The following LRIG2 variants were observed in gnomAD, a reference collection of about 807,000 sequenced individuals.
LRIG2 encodes the protein leucine-rich repeats and immunoglobulin-like domains protein 2.
In LRIG2, 93 loss-of-function variants were observed where a neutral mutation model predicts 107.8. The ratio of observed to expected loss-of-function variants is 0.86; its 90% CI spans 0.73 to 1.03. The LOEUF (loss-of-function observed/expected upper bound fraction) is 1.03, where lower values mean the gene tolerates loss of function less well. Ranked by LOEUF, LRIG2 falls within the 50% of genes least tolerant of loss-of-function variation. The pLI is 0.00. For missense variants in LRIG2, 1,226 were observed against 1,296.0 expected, an observed-to-expected ratio of 0.95 and a Z score of 0.83; for synonymous variants, 471 against 470.6, an observed-to-expected ratio of 1.00 and a Z score of -0.01.
In LRIG2 at chr1:113,100,279, A is replaced by T. The variant is rs1654250369; in HGVS notation, c.1241A>T (p.His414Leu). The T allele has an allele frequency of 6.3e-7, 1 of 1,585,250 alleles. No homozygotes were observed. The highest frequency in any genetic ancestry group is 8.6e-7 in the Non-Finnish European group (1 of 1,159,588). ...KAFIGLESLE[H>L]LDLNNNAIMS... is the part of the protein sequence containing the mutation. ...TTCATTGGTCTTGAATCCCTTGAGC[A>T]TCTGTAAGTATTTTGCATACATTTT... Residue 414 changes from histidine to leucine, a missense_variant, in exon 10 of 18, where the codon CAT becomes CTT. Physicochemically the swap from His to Leu is moderately conservative, Grantham distance 99. Around this residue, in one of 3 missense-constraint regions of LRIG2, gnomAD observed 570 missense variants for 550.2 expected, o/e 1.04. Transcript: ENST00000361127.
chr1:113,095,865 A>T lies in LRIG2; in HGVS notation c.804-9A>T, dbSNP rs1416730128. The T allele has an allele frequency of 2.5e-6, 4 of 1,613,986 alleles. No homozygotes were observed. Among genetic ancestry groups the T allele is most frequent in the Non-Finnish European group, 3.4e-6 (4 of 1,179,962 alleles). ...GAACGTATTTTCTTCTCTTTCTCTA[A>T]TTCTGCAGAGAACTGGAACACAACA... On this transcript the variant is annotated splice_polypyrimidine_tract_variant and intron_variant, in intron 6 of 17. Transcript: ENST00000361127.
intron 1 of LRIG2, among the ~76,000 whole-genome samples, chr1:113,082,462 A>C (rs1173722055): frequency 6.6e-6 from 1 of 152,204 alleles, no homozygotes; most frequent in Non-Finnish European, 1.5e-5. Flanking sequence ...ACTGGCTCAC[A>C]GTTCTGTAGG....
In LRIG2 at chr1:113,073,458, T is replaced by C. The variant is rs372802844; in HGVS notation, c.52T>C (p.Ser18Pro). ...GGAGGAGCAGTTGCTGGGGTGTCGA[T>C]CTAGAGTGCTTTCTCGGTTACTCTT... ...VPEEQLLGCR[S>P]RVLSRLLFIA... Residue 18 changes from serine (S) to proline (P), a missense_variant, in exon 1 of 18, where the codon TCT (serine) becomes CCT (proline). Around this residue, in one of 3 missense-constraint regions of LRIG2, gnomAD observed 570 missense variants for 550.2 expected, o/e 1.04. Transcript: ENST00000361127. 1.5e-5 allele frequency: 24 copies of C among 1,613,944 alleles called. No individual in the cohort carries two copies. The highest frequency in any genetic ancestry group is 2.0e-5 in the Non-Finnish European group (24 of 1,180,010).
chr1:113,082,554 C>T (rs983350135), intron 1 of LRIG2, among the ~76,000 whole-genome samples: 7 of 152,142 alleles, frequency 4.6e-5, no homozygotes, highest in Admixed American at 6.6e-5. Context: ...AAAGGCAAAG[C>T]GGGAGCAGGC....
intron 17 of LRIG2, among the ~76,000 whole-genome samples, chr1:113,119,755 A>G (rs1655168656): frequency 6.6e-6 from 1 of 152,184 alleles, no homozygotes; most frequent in African/African-American, 2.4e-5. Context: ...ACAGGATCAC[A>G]CTACTGAAAA....
intron 17 of LRIG2, among the ~76,000 whole-genome samples, chr1:113,120,627 C>G (rs1655209160): frequency 6.6e-6 from 1 of 151,522 alleles, no homozygotes; most frequent in South Asian, 2.1e-4. Flanking sequence ...TCTCCTGCCT[C>G]AGCCTCCTGA....
chr1:113,083,087 A>T (rs1231060736), intron 1 of LRIG2, among the ~76,000 whole-genome samples: 1 of 151,036 alleles, frequency 6.6e-6, no homozygotes, highest in Non-Finnish European at 1.5e-5. Context: ...TTTTGTGTAG[A>T]TTTTATAGAG....
intron 12 of LRIG2, among the ~76,000 whole-genome samples, chr1:113,108,941 T>C (rs969568607): frequency 1.3e-5 from 2 of 152,196 alleles, no homozygotes; most frequent in African/African-American, 4.8e-5. Context: ...AGGAGAACTT[T>C]TAGATCAGTG....
At chr1:113,074,231 G>A (rs1246341875) in intron 1 of LRIG2, among the ~76,000 whole-genome samples, 2 of 152,166 alleles carry the variant, frequency 1.3e-5, no homozygotes, top group Non-Finnish European at 2.9e-5. Context: ...ATCTTTGTAA[G>A]TAGCATTCTT....
rs747522928 is a variant in LRIG2, at chr1:113,100,171, T to C, written c.1173-40T>C. 8 of 1,228,352 alleles carry C rather than the reference T, an allele frequency of 6.5e-6. No homozygotes were observed. The South Asian group carries it at 7.2e-5, about 11-fold the overall frequency. The allele number at this position is 1,228,352 out of a possible 1,614,324, so 76.1% of individuals were successfully genotyped here. A position where few individuals can be genotyped will look rare whatever the true frequency, so the allele number is the denominator to read the frequency against. On this transcript the variant is annotated intron_variant, in intron 9 of 17. Transcript: ENST00000361127. ...AATGTTTAATGAATTTAATTTTGTT[T>C]AGTGGAGAGCTTTCTTAGAAAGATC...
chr1:113,080,642 T>C (rs1653228086), intron 1 of LRIG2, among the ~76,000 whole-genome samples: 1 of 152,054 alleles, frequency 6.6e-6, no homozygotes, highest in South Asian at 2.1e-4. Flanking sequence ...CCTCCCAAAG[T>C]GCTGGGATTA....
chr1:113,077,152 T>C (rs1241007712), intron 1 of LRIG2, among the ~76,000 whole-genome samples: 1 of 145,786 alleles, frequency 6.9e-6, no homozygotes, highest in African/African-American at 2.5e-5. Flanking sequence ...ATTTTTTTTC[T>C]TTTTTTTTTT....
intron 11 of LRIG2, chr1:113,103,157 CAAAGA>C (rs1654378289): frequency 6.6e-6 from 1 of 152,184 alleles, no homozygotes; most frequent in Non-Finnish European, 1.5e-5. Flanking sequence ...AGAGTTGTCA[CAAAGA>C]TTCTTTGCTT....
At chr1:113,097,563 A>G (rs1654120480) in intron 8 of LRIG2, among the ~76,000 whole-genome samples, 2 of 152,206 alleles carry the variant, frequency 1.3e-5, no homozygotes, top group Admixed American at 6.5e-5. Context: ...GATCAATGCA[A>G]TCTCAGAAAC....
chr1:113,082,191 CCTGGTATAT>C (rs1653320453), intron 1 of LRIG2, among the ~76,000 whole-genome samples: 1 of 152,118 alleles, frequency 6.6e-6, no homozygotes. Flanking sequence ...TCTTCTTTAT[CCTGGTATAT>C]CTGGGGAAGT....
chr1:113,081,898 A>T (rs1169027906), intron 1 of LRIG2, among the ~76,000 whole-genome samples: 1 of 152,246 alleles, frequency 6.6e-6, no homozygotes, highest in Non-Finnish European at 1.5e-5. Flanking sequence ...TAATAGAAAG[A>T]TTATCTTTTT....
chr1:113,088,790 C>CA (rs1242465629), intron 1 of LRIG2, among the ~76,000 whole-genome samples: 1 of 152,086 alleles, frequency 6.6e-6, no homozygotes, highest in Non-Finnish European at 1.5e-5. Flanking sequence ...AAAACAACAA[C>CA]AAAAAACATC....
At chr1:113,112,383 G>A in intron 13 of LRIG2, 96 bp from the exon 14 acceptor site, 2 of 999,820 alleles carry the variant, frequency 2.0e-6, no homozygotes, top group South Asian at 1.7e-5. Flanking sequence ...ACATTAGGGG[G>A]TGTCTTGCCT....
At chr1:113,073,813 A>G (rs1050133344) in intron 1 of LRIG2, among the ~76,000 whole-genome samples, 168 bp downstream of exon 1, 3 of 152,058 alleles carry the variant, frequency 2.0e-5, no homozygotes, top group African/African-American at 7.2e-5. Context: ...GTGGGAGCCT[A>G]AAAAAGCCGG....
Sources: gnomAD v4.1 joint callset for allele counts (sites outside exome capture counted in the v4.1 genomes callset) on GRCh38, gnomAD v4.1.1 for gene constraint, gnomAD v4.1.1 regional missense constraint, MANE v1.5 for transcripts, NCBI Gene and HGNC (gene_info 2026-07-23, HGNC 2026-07-21) for gene names.